Variants in ABTB3 observed in about 807,000 individuals in gnomAD.
ABTB3 encodes the protein ankyrin repeat- and BTB/POZ domain-containing protein 3.
At chr12:107,389,949 G>A in the ABTB3 span, among the ~76,000 whole-genome samples, 2 of 151,844 alleles carry the variant, frequency 1.3e-5, no homozygotes, top group Non-Finnish European at 2.9e-5. Flanking sequence ...TTTCCATGAT[G>A]TCTTTCCATG....
chr12:107,498,643 G>A, the ABTB3 span, among the ~76,000 whole-genome samples: 2 of 152,016 alleles, frequency 1.3e-5, no homozygotes, highest in Admixed American at 1.3e-4. Flanking sequence ...TGTTCTCATG[G>A]CATCACTCTG....
the ABTB3 span, among the ~76,000 whole-genome samples, chr12:107,530,242 G>A: frequency 2.6e-5 from 4 of 152,158 alleles, no homozygotes; most frequent in African/African-American, 7.2e-5. Flanking sequence ...ATGAATGAGT[G>A]GAGTAGGGGC....
the ABTB3 span, among the ~76,000 whole-genome samples, chr12:107,582,048 G>A: frequency 6.6e-6 from 1 of 152,114 alleles, no homozygotes; most frequent in African/African-American, 2.4e-5. Flanking sequence ...ATGGGAAACT[G>A]CCTTTCCTCC....
chr12:107,525,584 A>G, the ABTB3 span, among the ~76,000 whole-genome samples: 1 of 152,096 alleles, frequency 6.6e-6, no homozygotes, highest in Admixed American at 6.6e-5. Context: ...GCAGTCTATG[A>G]TGTTCGTCCA....
the ABTB3 span, among the ~76,000 whole-genome samples, chr12:107,326,996 T>C: frequency 6.6e-6 from 1 of 152,194 alleles, no homozygotes; most frequent in Non-Finnish European, 1.5e-5. Context: ...TTTTCTTTGT[T>C]ATTTTTCGTG....
chr12:107,585,413 A>G, the ABTB3 span, among the ~76,000 whole-genome samples: 21 of 152,284 alleles, frequency 1.4e-4, no homozygotes, highest in African/African-American at 4.6e-4. Context: ...CCTTCACTCT[A>G]TTGAGCACCA....
At chr12:107,637,552 T>C in the ABTB3 span, among the ~76,000 whole-genome samples, 1 of 152,154 alleles carries the variant, frequency 6.6e-6, no homozygotes, top group Non-Finnish European at 1.5e-5. Context: ...AAATGGAATA[T>C]ACAGCAGGTA....
the ABTB3 span, among the ~76,000 whole-genome samples, chr12:107,559,910 G>A: frequency 6.6e-6 from 1 of 151,700 alleles, no homozygotes; most frequent in South Asian, 2.1e-4. Context: ...GGAAACTACA[G>A]GAAAATATAA....
chr12:107,411,302 C>A, the ABTB3 span, among the ~76,000 whole-genome samples: 3 of 152,072 alleles, frequency 2.0e-5, no homozygotes, highest in Non-Finnish European at 2.9e-5. Flanking sequence ...CCGTCTCCCC[C>A]CTCCAAAAAA....
chr12:107,386,186 A>G, the ABTB3 span, among the ~76,000 whole-genome samples: 1 of 152,124 alleles, frequency 6.6e-6, no homozygotes, highest in East Asian at 1.9e-4. Context: ...AGTAGACTCC[A>G]TTCCTCCTTC....
At chr12:107,592,968 G>C in the ABTB3 span, among the ~76,000 whole-genome samples, 528 of 152,328 alleles carry the variant, frequency 3.5e-3, 1 homozygote, top group African/African-American at 0.013. Flanking sequence ...GTAACACATT[G>C]AGAAAGCAAG....
the ABTB3 span, among the ~76,000 whole-genome samples, chr12:107,538,464 T>C: frequency 1.3e-5 from 2 of 152,210 alleles, no homozygotes; most frequent in Non-Finnish European, 2.9e-5. Flanking sequence ...CTTAGCCTCC[T>C]CTGGTGATCC....
chr12:107,340,643 G>A, the ABTB3 span, among the ~76,000 whole-genome samples: 1 of 151,952 alleles, frequency 6.6e-6, no homozygotes, highest in African/African-American at 2.4e-5. Flanking sequence ...ACAGCTACAT[G>A]AAGCATCGAT....
At chr12:107,364,985 A>G in the ABTB3 span, among the ~76,000 whole-genome samples, 344 of 152,314 alleles carry the variant, frequency 2.3e-3, no homozygotes, top group African/African-American at 7.0e-3. Context: ...TGGTTGCTCC[A>G]GTACTCTGTA....
At chr12:107,345,887 T>G in the ABTB3 span, among the ~76,000 whole-genome samples, 2 of 152,232 alleles carry the variant, frequency 1.3e-5, no homozygotes. Flanking sequence ...ATGGCTGCTC[T>G]TTTCGTTCAA....
chr12:107,342,254 T>G, the ABTB3 span, among the ~76,000 whole-genome samples: 21 of 150,906 alleles, frequency 1.4e-4, no homozygotes, highest in South Asian at 4.2e-4. Context: ...CTCATTTTTT[T>G]GGGGGGAGGG....
chr12:107,401,261 C>T, the ABTB3 span, among the ~76,000 whole-genome samples: 1 of 152,286 alleles, frequency 6.6e-6, no homozygotes, highest in Non-Finnish European at 1.5e-5. Context: ...CAAAGGAAGC[C>T]AAGGGGAGGT....
At chr12:107,520,704 A>G in the ABTB3 span, 1 of 1,585,178 alleles carries the variant, frequency 6.3e-7, no homozygotes. Flanking sequence ...GAAGTGACAC[A>G]ATGTCCTCAT....
the ABTB3 span, among the ~76,000 whole-genome samples, chr12:107,493,745 T>C: frequency 9.2e-5 from 14 of 152,200 alleles, no homozygotes; most frequent in African/African-American, 3.4e-4. Flanking sequence ...AAGGTGAAAT[T>C]TGGACACTGA....
Sources: allele counts gnomAD v4.1 joint callset (sites outside exome capture counted in the v4.1 genomes callset), GRCh38; gene constraint gnomAD v4.1.1; transcripts MANE v1.5; gene names NCBI Gene and HGNC (gene_info 2026-07-23, HGNC 2026-07-21).